The following MROH9 variants were observed in gnomAD, a reference collection of about 807,000 sequenced individuals.
MROH9 encodes the protein maestro heat-like repeat-containing protein family member 9.
In MROH9, 92 loss-of-function variants were observed where a neutral mutation model predicts 98.2. That is an observed-to-expected ratio of 0.94 (90% CI 0.79 to 1.11). MROH9 has a LOEUF of 1.11. Among genes scored for constraint, MROH9 ranks in the 50% most tolerant of loss-of-function variants. MROH9 has a pLI of 0.00. For synonymous variants in MROH9, 397 were observed against 368.9 expected (o/e 1.08, Z -0.87); for missense variants, 1,057 against 1,014.8 (o/e 1.04, Z -0.57).
At position 170,998,169 on chromosome 1, in the gene MROH9, T is replaced by A. The variant is rs1055416031; in HGVS notation, c.1491T>A (p.Tyr497Ter). ...TCTTTTACAGAACTCTCAGTGAATA[T>A]AACTTTCCACAGTTTCCGGAGACCC... Reference protein sequence around the residue: ...VCFIAKTLSEYNFPQFPETLS... With the variant: ...VCFIAKTLSE Residue 497 changes from tyrosine to a stop codon, truncating the protein, a stop_gained, in exon 15 of 22, where the codon TAT (tyrosine) becomes TAA (stop). Transcript: ENST00000367759. LOFTEE classifies it high-confidence loss of function. 1 of 1,606,692 alleles carries A rather than the reference T, an allele frequency of 6.2e-7. No homozygotes were observed. The highest frequency in any genetic ancestry group is 8.5e-7 in the Non-Finnish European group (1 of 1,177,672).
chr1:171,011,758 T>C (rs992351462), intron 15 of MROH9, among the ~76,000 whole-genome samples: 2 of 152,190 alleles, frequency 1.3e-5, no homozygotes, highest in Non-Finnish European at 2.9e-5. Flanking sequence ...AAATTTTTGA[T>C]CTAATCCACA....
At chr1:170,936,751 A>G (rs1476231242) in intron 1 of MROH9, among the ~76,000 whole-genome samples, 3 of 152,150 alleles carry the variant, frequency 2.0e-5, no homozygotes, top group Admixed American at 1.3e-4. Flanking sequence ...GGAATCAGAG[A>G]GACCGATGGG....
intron 9 of MROH9, among the ~76,000 whole-genome samples, chr1:170,985,740 C>T (rs917481624): frequency 6.7e-6 from 1 of 149,168 alleles, no homozygotes; most frequent in East Asian, 2.0e-4. Flanking sequence ...CCTCTCCAAG[C>T]CTTGGTTACC....
chr1:170,998,721 T>C (rs1557891995), intron 15 of MROH9: 1 of 1,014,208 alleles, frequency 9.9e-7, no homozygotes. Context: ...TATATCAATA[T>C]TGTGCCATGT....
intron 1 of MROH9, among the ~76,000 whole-genome samples, chr1:170,935,982 CAAAAAAAAAAAAA>C (rs59883013): frequency 1.9e-4 from 12 of 62,256 alleles, no homozygotes; most frequent in Non-Finnish European, 2.8e-4. Context: ...CAGAGTGAGA[CAAAAAAAAAAAAA>C]AAAAAAAAAA....
rs532859553 is a variant in MROH9, at chr1:171,035,380, A to G, written c.2281+9960A>G. Among the ~76,000 whole-genome samples, 3 of 151,966 alleles carry G rather than the reference A, an allele frequency of 2.0e-5. No individual in the cohort carries two copies. In the East Asian group the frequency reaches 5.8e-4, roughly 29 times the overall value. ...CAATATTAATAATCAGAAACATGCA[A>G]ATTAGAACAATAACAACCCATTTCA... On this transcript the variant is annotated intron_variant, in intron 20 of 21. Coordinates refer to ENST00000367759, the MANE Select transcript of MROH9 (RefSeq NM_001163629.2).
intron 20 of MROH9, among the ~76,000 whole-genome samples, chr1:171,032,202 T>C (rs1422190552): frequency 6.6e-6 from 1 of 152,204 alleles, no homozygotes; most frequent in African/African-American, 2.4e-5. Flanking sequence ...AGTTCTTAGC[T>C]TCTTTGCATT....
At chr1:170,981,818 C>G (rs1275290264) in intron 8 of MROH9, among the ~76,000 whole-genome samples, 1 of 150,808 alleles carries the variant, frequency 6.6e-6, no homozygotes, top group African/African-American at 2.4e-5. Context: ...CAAAGAAGCA[C>G]AGATAGCAAA....
At chr1:171,064,017 G>A in intron 21 of MROH9, 82 bp from the exon 22 acceptor site, 2 of 1,360,134 alleles carry the variant, frequency 1.5e-6, no homozygotes, top group Non-Finnish European at 2.0e-6. Flanking sequence ...CTCTGTGAAA[G>A]GTGGCAGGGC....
intron 8 of MROH9, among the ~76,000 whole-genome samples, chr1:170,981,628 G>A (rs950912682): frequency 1.3e-5 from 2 of 151,810 alleles, no homozygotes; most frequent in Non-Finnish European, 2.9e-5. Context: ...GTGCGGGGAG[G>A]GAACTTAAAG....
At chr1:171,030,572 C>T (rs1428112518) in intron 20 of MROH9, among the ~76,000 whole-genome samples, 2 of 152,254 alleles carry the variant, frequency 1.3e-5, no homozygotes, top group Admixed American at 6.5e-5. Context: ...GGAGGTTGTT[C>T]AATTTCCATG....
At chr1:171,051,020 A>G (rs1571169089) in intron 20 of MROH9, among the ~76,000 whole-genome samples, 2 of 152,070 alleles carry the variant, frequency 1.3e-5, no homozygotes, top group South Asian at 4.1e-4. Context: ...TGATTGTGGT[A>G]TATTATCTTT....
chr1:171,031,833 G>C (rs184369067), intron 20 of MROH9, among the ~76,000 whole-genome samples: 66 of 152,284 alleles, frequency 4.3e-4, no homozygotes, highest in African/African-American at 1.5e-3. Context: ...TGTCTTGCTA[G>C]GTTGGGAAAG....
At chr1:170,961,325 A>G (rs1402472578) in intron 5 of MROH9, among the ~76,000 whole-genome samples, 1 of 152,218 alleles carries the variant, frequency 6.6e-6, no homozygotes, top group Non-Finnish European at 1.5e-5. Context: ...GAATTTTTCT[A>G]AATGTTCACC....
At chr1:171,025,462 G>A (rs1356974590) in intron 20 of MROH9, 42 bp downstream of exon 20, 3 of 1,255,794 alleles carry the variant, frequency 2.4e-6, no homozygotes, top group Non-Finnish European at 1.1e-6. Flanking sequence ...TGTCTTAAAT[G>A]GTATAGAATG....
intron 20 of MROH9, among the ~76,000 whole-genome samples, chr1:171,047,892 T>C (rs533123534): frequency 4.6e-5 from 7 of 152,324 alleles, no homozygotes; most frequent in African/African-American, 1.4e-4. Context: ...ACACTGTGGT[T>C]CTTGCAGACT....
intron 1 of MROH9, among the ~76,000 whole-genome samples, chr1:170,937,556 C>G (rs1298775000): frequency 7.9e-6 from 1 of 126,310 alleles, no homozygotes; most frequent in Non-Finnish European, 1.6e-5. Context: ...GAGTCTCGCT[C>G]TGTCGCCCAG....
chr1:171,025,420 G>A lies in MROH9; in HGVS notation c.2281G>A (p.Gly761Arg). The change falls in exon 20 of 22, where the codon GGA becomes AGA. Residue 761 changes from glycine to arginine, a missense_variant and splice_region_variant. Physicochemically the swap from Gly to Arg is moderately radical, Grantham distance 125. Transcript: ENST00000367759. ...YLKRASVILIGYLAKSGGHLL... is the reference protein window; with the variant it reads ...YLKRASVILIRYLAKSGGHLL... Reference sequence around the variant, plus strand: ...TAAGAGGGCATCGGTTATTTTGATAGGTAAATATAATTCAGTTCTCAATTC... The same window carrying A: ...TAAGAGGGCATCGGTTATTTTGATAAGTAAATATAATTCAGTTCTCAATTC... 6.6e-7 allele frequency: 1 copy of A among 1,525,390 alleles called. No individual in the cohort carries two copies. The allele number at this position is 1,525,390 out of a possible 1,614,324, so 94.5% of individuals were successfully genotyped here.
intron 20 of MROH9, among the ~76,000 whole-genome samples, chr1:171,037,915 T>C (rs759216626): frequency 6.6e-6 from 1 of 152,002 alleles, no homozygotes; most frequent in Non-Finnish European, 1.5e-5. Context: ...CCCATTTCAT[T>C]TCTTACACGA....
Sources: gnomAD v4.1 joint callset for allele counts (sites outside exome capture counted in the v4.1 genomes callset) on GRCh38, gnomAD v4.1.1 for gene constraint, MANE v1.5 for transcripts, NCBI Gene and HGNC (gene_info 2026-07-23, HGNC 2026-07-21) for gene names.